The following RADX variants were observed in gnomAD, a reference collection of about 807,000 sequenced individuals.
The protein encoded by RADX is RPA1 related single stranded DNA binding protein, X-linked.
In RADX, 36 loss-of-function variants were observed where a neutral mutation model predicts 61.6. The observed-to-expected ratio is 0.58, with a 90% CI of 0.45 to 0.77. The LOEUF is 0.77. Ranked by LOEUF, RADX falls within the 30% of genes least tolerant of loss-of-function variation. The pLI is 0.00. For synonymous variants in RADX, 272 were observed against 237.9 expected (o/e 1.14, Z -1.32); for missense variants, 497 against 651.1 (o/e 0.76, Z 2.58).
intron 7 of RADX, 30 bp from the exon 8 acceptor site, chrX:106,637,730 T>C: frequency 1.2e-5 from 13 of 1,106,747 alleles, no homozygotes; most frequent in Non-Finnish European, 1.5e-5. Flanking sequence ...TTATTTCTCA[T>C]TTTTTATGAT....
At chrX:106,649,354 A>G (rs1927739449) in intron 11 of RADX, among the ~76,000 whole-genome samples, 1 of 111,894 alleles carries the variant, frequency 8.9e-6, no homozygotes, top group Non-Finnish European at 1.9e-5. Flanking sequence ...CTAAAAATGA[A>G]GGAGAAAACC....
intron 13 of RADX, 30 bp downstream of exon 13, chrX:106,669,360 A>AC (rs773594044): frequency 3.9e-5 from 41 of 1,042,813 alleles, no homozygotes; most frequent in Non-Finnish European, 5.0e-5. Context: ...CTTTTCACTC[A>AC]GAAAAAAAAA....
At chrX:106,674,720 G>T in intron 13 of RADX, among the ~76,000 whole-genome samples, 1 of 111,811 alleles carries the variant, frequency 8.9e-6, no homozygotes, top group Non-Finnish European at 1.9e-5. Context: ...TTATTTTTGT[G>T]TAAAGAATGA....
In RADX at chrX:106,612,119, A is replaced by C; in HGVS notation, c.39A>C (p.Ser13=). The part of the protein sequence containing the change: ...GESGQPEAGP[S]HAGLDWPNPE... Reference sequence around the variant, plus strand: ...CAGGACAGCCTGAGGCTGGTCCCTCACATGCAGGGCTAGATTGGCCGAACC... The same window carrying C: ...CAGGACAGCCTGAGGCTGGTCCCTCCCATGCAGGGCTAGATTGGCCGAACC... Residue 13 remains serine (S), a synonymous_variant, in exon 1 of 14, where the codon TCA becomes TCC. Transcript: ENST00000372548. 1.4e-5 allele frequency: 17 copies of C among 1,211,056 alleles called. No individual in the cohort carries two copies. The highest frequency in any genetic ancestry group is 1.8e-5 in the Non-Finnish European group (16 of 895,012).
intron 2 of RADX, 95 bp from the exon 3 acceptor site, chrX:106,624,995 C>T (rs1927044574): frequency 2.0e-6 from 1 of 490,178 alleles, no homozygotes; most frequent in Non-Finnish European, 3.1e-6. Flanking sequence ...ATGTTATTTT[C>T]CATCACTCTA....
chrX:106,626,695 T>C (rs1361395394), intron 3 of RADX, among the ~76,000 whole-genome samples: 1 of 112,473 alleles, frequency 8.9e-6, no homozygotes, highest in African/African-American at 3.2e-5. Context: ...GGTGATAATA[T>C]ATTTTAAATG....
intron 10 of RADX, among the ~76,000 whole-genome samples, chrX:106,641,297 CCTT>C (rs201408021): frequency 0.11 from 11,862 of 109,645 alleles, 1,602 homozygotes; most frequent in African/African-American, 0.38. Flanking sequence ...AAATTCCTGT[CCTT>C]CTCATATGCA....
intron 11 of RADX, among the ~76,000 whole-genome samples, chrX:106,659,121 G>T (rs1297159206): frequency 9.0e-6 from 1 of 110,984 alleles, no homozygotes; most frequent in Non-Finnish European, 1.9e-5. Flanking sequence ...CATAATGCCT[G>T]CTTATTTTAT....
At chrX:106,622,386 G>A (rs1926973958) in intron 1 of RADX, among the ~76,000 whole-genome samples, 1 of 110,001 alleles carries the variant, frequency 9.1e-6, no homozygotes, top group African/African-American at 3.3e-5. Context: ...TAAGATGGAG[G>A]GCATTCTAGG....
chrX:106,621,650 T>C (rs1213331256), intron 1 of RADX, among the ~76,000 whole-genome samples: 2 of 111,531 alleles, frequency 1.8e-5, no homozygotes, highest in African/African-American at 3.3e-5. Context: ...TATGAGAAGA[T>C]AGTAAGTGCA....
intron 10 of RADX, 60 bp downstream of exon 10, chrX:106,640,781 C>A (rs1391780574): frequency 3.7e-6 from 3 of 801,253 alleles, no homozygotes; most frequent in Non-Finnish European, 5.1e-6. Context: ...TATCTCTACC[C>A]TGTAAAATAA....
At chrX:106,663,622 A>G (rs935610647) in intron 12 of RADX, among the ~76,000 whole-genome samples, 1 of 112,030 alleles carries the variant, frequency 8.9e-6, no homozygotes, top group African/African-American at 3.2e-5. Flanking sequence ...CTAAAAGAGT[A>G]TAATTGCATC....
intron 12 of RADX, 71 bp from the exon 13 acceptor site, chrX:106,669,092 C>A: frequency 1.2e-6 from 1 of 866,666 alleles, no homozygotes; most frequent in Non-Finnish European, 1.7e-6. Context: ...GGGATCAAAC[C>A]AGCAAACTCG....
Position 106,678,930 on chromosome X carries a change from A to G in RADX, c.*672A>G, listed in dbSNP as rs1458673328. 3.6e-5 allele frequency: 4 copies of G among 112,531 alleles called. No homozygotes were observed. The East Asian group carries it at 1.1e-3, about 31-fold the overall frequency. 9.3% of individuals were successfully genotyped at this position (112,531 alleles called of 1,213,427 possible). On this transcript the variant is annotated 3_prime_UTR_variant, in exon 14 of 14. Coordinates refer to ENST00000372548, the MANE Select transcript of RADX (RefSeq NM_018015.6). ...AAGTCAAAGGCTGCAGTATGTCTATATTCTTGCTGTACTCATTGGTAGTTT... is the reference window on the plus strand; with the variant it reads ...AAGTCAAAGGCTGCAGTATGTCTATGTTCTTGCTGTACTCATTGGTAGTTT...
chrX:106,666,108 G>A (rs1395250156), intron 12 of RADX, among the ~76,000 whole-genome samples: 1 of 111,978 alleles, frequency 8.9e-6, no homozygotes, highest in Non-Finnish European at 1.9e-5. Flanking sequence ...CTTAGCCCAA[G>A]TACAAAATGT....
At chrX:106,670,644 T>TATAATA (rs774846786) in intron 13 of RADX, among the ~76,000 whole-genome samples, 9 of 108,020 alleles carry the variant, frequency 8.3e-5, no homozygotes, top group African/African-American at 3.0e-4. Flanking sequence ...ATATGTATAA[T>TATAATA]ATAATAATAA....
At chrX:106,634,117 ATATC>A (rs957279634) in intron 6 of RADX, among the ~76,000 whole-genome samples, 15 of 111,225 alleles carry the variant, frequency 1.3e-4, no homozygotes, top group Non-Finnish European at 1.9e-4. Context: ...GTGTTTGTAT[ATATC>A]TATCTATCTA....
intron 7 of RADX, 131 bp from the exon 8 acceptor site, chrX:106,637,629 C>A: frequency 2.0e-6 from 1 of 489,654 alleles, no homozygotes; most frequent in Non-Finnish European, 3.3e-6. Flanking sequence ...GTAAACTTGA[C>A]TGTTTTTTTC....
chrX:106,647,802 T>C (rs975304370), intron 10 of RADX, among the ~76,000 whole-genome samples: 2 of 111,291 alleles, frequency 1.8e-5, no homozygotes, highest in Non-Finnish European at 3.8e-5. Flanking sequence ...TTTTGAGAAA[T>C]GTCTGTTACA....
Sources: allele counts gnomAD v4.1 joint callset (sites outside exome capture counted in the v4.1 genomes callset), GRCh38; gene constraint gnomAD v4.1.1; transcripts MANE v1.5; gene names NCBI Gene and HGNC (gene_info 2026-07-23, HGNC 2026-07-21).